SEMA3D: variants seen among roughly 807,000 people sequenced by gnomAD.
SEMA3D encodes the protein semaphorin 3D, also known as semaphorin-3D.
In SEMA3D, 84 loss-of-function variants were observed where a neutral mutation model predicts 100.1. The observed-to-expected ratio is 0.84, with a 90% CI of 0.70 to 1.01. The LOEUF (loss-of-function observed/expected upper bound fraction) is 1.01. Ranked by LOEUF, SEMA3D falls within the 50% of genes least tolerant of loss-of-function variation. The pLI is 0.00. For synonymous variants in SEMA3D, 312 were observed against 320.7 expected (o/e 0.97, Z 0.29); for missense variants, 875 against 934.1 (o/e 0.94, Z 0.82).
intron 4 of SEMA3D, among the ~76,000 whole-genome samples, chr7:85,091,084 GAGAA>G (rs1006057044): frequency 1.5e-4 from 22 of 142,004 alleles, no homozygotes; most frequent in East Asian, 8.4e-4. Flanking sequence ...GAGAAAGAGA[GAGAA>G]AGAGAGAGGG....
the SEMA3D span, among the ~76,000 whole-genome samples, chr7:85,198,102 A>G: frequency 3.9e-5 from 6 of 152,146 alleles, no homozygotes; most frequent in African/African-American, 1.2e-4. Flanking sequence ...AAATAACCCC[A>G]CAAGATTAGG....
chr7:85,146,803 G>A (rs537150010), intron 2 of SEMA3D, among the ~76,000 whole-genome samples: 22 of 152,178 alleles, frequency 1.4e-4, no homozygotes, highest in African/African-American at 4.8e-4. Flanking sequence ...GAAGACTCCA[G>A]TGAATGGATG....
At chr7:85,250,125 G>C in the SEMA3D span, among the ~76,000 whole-genome samples, 4 of 152,154 alleles carry the variant, frequency 2.6e-5, no homozygotes, top group African/African-American at 4.8e-5. Context: ...CTGGAGAATC[G>C]GGTCACTCCC....
the SEMA3D span, among the ~76,000 whole-genome samples, chr7:85,227,298 T>G: frequency 3.1e-3 from 475 of 152,220 alleles, 3 homozygotes; most frequent in Middle Eastern, 0.017. Context: ...AATTTCTATG[T>G]GGAAAGGTAA....
At position 85,182,989 on chromosome 7, in the gene SEMA3D, C is replaced by T. The variant is rs146296053; in HGVS notation, c.-173+3689G>A. Among the ~76,000 whole-genome samples, 25 of 152,136 alleles carry T rather than the reference C, an allele frequency of 1.6e-4. No homozygotes were observed. The East Asian group carries it at 4.6e-3, about 28-fold the overall frequency. On this transcript the variant is annotated intron_variant, in intron 1 of 18. Coordinates refer to ENST00000284136, the MANE Select transcript of SEMA3D (RefSeq NM_001384900.1). ...AACATGTGTCAGCAATGTATTGAAC[C>T]GCCCAGACAGAACAGCAAAGTTCAG...
intron 2 of SEMA3D, among the ~76,000 whole-genome samples, chr7:85,147,536 G>C (rs190746560): frequency 9.6e-4 from 146 of 152,104 alleles, no homozygotes; most frequent in African/African-American, 3.3e-3. Flanking sequence ...TGGTTAAAAA[G>C]CAATTTAATA....
At chr7:85,087,577 C>T (rs1264719586) in intron 4 of SEMA3D, among the ~76,000 whole-genome samples, 3 of 152,056 alleles carry the variant, frequency 2.0e-5, no homozygotes, top group Non-Finnish European at 2.9e-5. Context: ...AATTTGAGTG[C>T]TAATTCTTAC....
chr7:85,058,433 A>AT (rs1791382756), intron 8 of SEMA3D, among the ~76,000 whole-genome samples: 1 of 152,004 alleles, frequency 6.6e-6, no homozygotes, highest in Non-Finnish European at 1.5e-5. Flanking sequence ...AACACTTCAG[A>AT]TTTTTTATTT....
chr7:85,037,906 A>G (rs1790745796), intron 11 of SEMA3D, among the ~76,000 whole-genome samples: 1 of 152,182 alleles, frequency 6.6e-6, no homozygotes. Context: ...GATCTAAAAA[A>G]TATATTAAAA....
chr7:85,170,672 A>G (rs961217486), intron 1 of SEMA3D, among the ~76,000 whole-genome samples: 2 of 151,988 alleles, frequency 1.3e-5, no homozygotes, highest in African/African-American at 4.8e-5. Context: ...AGTCTAGCCC[A>G]TATCACATAT....
At chr7:85,133,988 A>G (rs1311305947) in intron 2 of SEMA3D, among the ~76,000 whole-genome samples, 1 of 152,004 alleles carries the variant, frequency 6.6e-6, no homozygotes, top group Non-Finnish European at 1.5e-5. Context: ...TATCATATTT[A>G]CAAATGTGTT....
chr7:85,056,940 G>A (rs903600587), intron 8 of SEMA3D, among the ~76,000 whole-genome samples: 1 of 144,316 alleles, frequency 6.9e-6, no homozygotes, highest in Admixed American at 7.1e-5. Context: ...TCAGGCAAAG[G>A]CTGGTTATAT....
intron 11 of SEMA3D, among the ~76,000 whole-genome samples, 173 bp downstream of exon 11, chr7:85,040,500 T>C (rs565917504): frequency 6.6e-6 from 1 of 152,106 alleles, no homozygotes; most frequent in South Asian, 2.1e-4. Flanking sequence ...AAAAAAAGAA[T>C]TTTTTACACT....
At chr7:85,044,715 T>C (rs146586382) in intron 9 of SEMA3D, among the ~76,000 whole-genome samples, 346 of 152,174 alleles carry the variant, frequency 2.3e-3, no homozygotes, top group Non-Finnish European at 3.8e-3. Context: ...CATATATACA[T>C]ATACATAATA....
intron 2 of SEMA3D, among the ~76,000 whole-genome samples, chr7:85,135,230 G>C (rs1339747730): frequency 6.6e-6 from 1 of 151,976 alleles, no homozygotes; most frequent in African/African-American, 2.4e-5. Flanking sequence ...TATCTACATA[G>C]TACTTGCAAA....
chr7:85,040,589 C>A, intron 11 of SEMA3D, 84 bp downstream of exon 11: 1 of 731,580 alleles, frequency 1.4e-6, no homozygotes, highest in South Asian at 1.7e-5. Context: ...ACTACAAACG[C>A]AGGGACAAAA....
At chr7:85,202,678 G>A in the SEMA3D span, among the ~76,000 whole-genome samples, 528 of 152,114 alleles carry the variant, frequency 3.5e-3, 9 homozygotes, top group Admixed American at 0.027. Flanking sequence ...AAAAGTGGGC[G>A]AAAGACATGA....
At chr7:85,208,898 A>T in the SEMA3D span, among the ~76,000 whole-genome samples, 2 of 152,034 alleles carry the variant, frequency 1.3e-5, no homozygotes. Context: ...AGGGTAACTT[A>T]GTTTTAGATT....
At chr7:85,240,239 CATTG>C in the SEMA3D span, among the ~76,000 whole-genome samples, 3 of 152,032 alleles carry the variant, frequency 2.0e-5, no homozygotes, top group African/African-American at 7.2e-5. Context: ...GCATTTTCTG[CATTG>C]ATTGATATGA....
Sources: gnomAD v4.1 joint callset for allele counts (sites outside exome capture counted in the v4.1 genomes callset) on GRCh38, gnomAD v4.1.1 for gene constraint, MANE v1.5 for transcripts, NCBI Gene and HGNC (gene_info 2026-07-23, HGNC 2026-07-21) for gene names.